Variants in CSMD1 observed in about 807,000 individuals in gnomAD.
CSMD1 encodes CUB and Sushi multiple domains 1.
Under a neutral mutation model 417.5 loss-of-function variants are expected in CSMD1, and 213 were observed. The ratio of observed to expected loss-of-function variants is 0.51; its 90% CI spans 0.46 to 0.57. The LOEUF (loss-of-function observed/expected upper bound fraction) is 0.57. Among genes scored for constraint, CSMD1 ranks in the 20% least tolerant of loss-of-function variants. The pLI, the probability that CSMD1 is intolerant of heterozygous loss-of-function variation, is 0.00. For synonymous variants in CSMD1, 2,862 were observed against 1,736.8 expected (o/e 1.65, Z -16.11); for missense variants, 6,923 against 4,529.7 (o/e 1.53, Z -15.17).
intron 3 of CSMD1, among the ~76,000 whole-genome samples, chr8:4,098,436 G>A (rs1167959617): frequency 6.6e-6 from 1 of 151,838 alleles, no homozygotes; most frequent in African/African-American, 2.4e-5. Flanking sequence ...CATAATATGT[G>A]CAACATGCAT....
chr8:3,011,381 T>C (rs369553163), intron 52 of CSMD1, among the ~76,000 whole-genome samples: 22 of 146,180 alleles, frequency 1.5e-4, no homozygotes, highest in African/African-American at 4.5e-4. Context: ...GATATAAGCA[T>C]TATCATAATC....
At chr8:3,943,418 T>C (rs888707909) in intron 5 of CSMD1, among the ~76,000 whole-genome samples, 18 of 74,768 alleles carry the variant, frequency 2.4e-4, no homozygotes, top group Non-Finnish European at 4.1e-4. Flanking sequence ...TTGTTTTTTT[T>C]TCATTAAAAA....
At chr8:4,967,772 C>T (rs1350029124) in intron 1 of CSMD1, among the ~76,000 whole-genome samples, 2 of 152,064 alleles carry the variant, frequency 1.3e-5, no homozygotes, top group African/African-American at 2.4e-5. Flanking sequence ...ATGTGACTTA[C>T]GTAGCTAGAG....
chr8:4,378,142 C>T (rs1450378499), intron 3 of CSMD1, among the ~76,000 whole-genome samples: 1 of 152,190 alleles, frequency 6.6e-6, no homozygotes, highest in Non-Finnish European at 1.5e-5. Flanking sequence ...GTACATGCTT[C>T]AATATTTCCA....
At chr8:3,241,171 G>C (rs188748393) in intron 26 of CSMD1, among the ~76,000 whole-genome samples, 356 of 151,826 alleles carry the variant, frequency 2.3e-3, no homozygotes, top group African/African-American at 8.3e-3. Context: ...AGATAATTTA[G>C]TTAAAGTGTC....
chr8:3,624,801 T>C (rs752688384), intron 7 of CSMD1, among the ~76,000 whole-genome samples: 49 of 152,308 alleles, frequency 3.2e-4, no homozygotes, highest in Middle Eastern at 3.4e-3. Flanking sequence ...GCTTTTTACT[T>C]CAGCATTTTG....
At chr8:3,595,633 A>C (rs77991753) in intron 8 of CSMD1, among the ~76,000 whole-genome samples, 1 of 152,298 alleles carries the variant, frequency 6.6e-6, no homozygotes, top group East Asian at 1.9e-4. Flanking sequence ...GCTTGGAGTG[A>C]TTGGCAATTT....
chr8:4,048,722 C>G (rs945791877), intron 3 of CSMD1, among the ~76,000 whole-genome samples: 2 of 152,174 alleles, frequency 1.3e-5, no homozygotes, highest in Admixed American at 6.5e-5. Flanking sequence ...TTTATTAATA[C>G]ATACATGTAT....
In CSMD1 at chr8:4,629,563, C is replaced by T. The variant is rs74654424; in HGVS notation, c.302+7779G>A. On this transcript the variant is annotated intron_variant, in intron 2 of 69. Coordinates refer to ENST00000635120, the MANE Select transcript of CSMD1 (RefSeq NM_033225.6). ...ACTTATTAGAAATATTTTAACTTGT[C>T]GTTTGCCTTTTGAATGTTAAGTTTT... 2.4e-3 allele frequency among the ~76,000 whole-genome samples: 360 copies of T among 152,232 alleles called. 3 individuals carry two copies. The highest frequency in any genetic ancestry group is 3.1e-3 in the African/African-American group (128 of 41,536).
intron 3 of CSMD1, among the ~76,000 whole-genome samples, chr8:4,181,887 C>T (rs1798396958): frequency 6.6e-6 from 1 of 151,978 alleles, no homozygotes; most frequent in Non-Finnish European, 1.5e-5. Flanking sequence ...AACATGATTT[C>T]ACAGTGATAA....
chr8:4,723,804 A>AAAAC (rs1809231527), intron 1 of CSMD1, among the ~76,000 whole-genome samples: 2 of 146,028 alleles, frequency 1.4e-5, no homozygotes, highest in African/African-American at 5.0e-5. Context: ...AAAAAAACAA[A>AAAAC]AAAAAAACAA....
chr8:4,570,891 A>G (rs754555213), intron 2 of CSMD1, among the ~76,000 whole-genome samples: 34 of 152,158 alleles, frequency 2.2e-4, no homozygotes, highest in Non-Finnish European at 3.2e-4. Flanking sequence ...GTACCCAGGA[A>G]TTTGTCCATT....
At chr8:4,157,489 T>A (rs929585255) in intron 3 of CSMD1, among the ~76,000 whole-genome samples, 12 of 152,130 alleles carry the variant, frequency 7.9e-5, no homozygotes, top group Non-Finnish European at 1.8e-4. Context: ...TCCTTCTGAC[T>A]AGCGGAGAAA....
chr8:3,904,544 T>C (rs965831961), intron 5 of CSMD1, among the ~76,000 whole-genome samples: 2 of 152,208 alleles, frequency 1.3e-5, no homozygotes, highest in Non-Finnish European at 2.9e-5. Context: ...ACCAAAGCTG[T>C]TGTATGTGAA....
At chr8:4,752,038 G>T (rs1221885576) in intron 1 of CSMD1, among the ~76,000 whole-genome samples, 1 of 151,998 alleles carries the variant, frequency 6.6e-6, no homozygotes, top group Non-Finnish European at 1.5e-5. Flanking sequence ...ATATGTATAT[G>T]CAAACTGTGT....
chr8:3,671,000 G>GCA lies in CSMD1; in HGVS notation c.1009+37413_1009+37414insTG, dbSNP rs1563255975. 7.9e-4 allele frequency among the ~76,000 whole-genome samples: 86 copies of GCA among 109,412 alleles called. 2 individuals are homozygous for GCA. The South Asian group carries it at 0.024, about 30-fold the overall frequency. 71.8% of individuals were successfully genotyped at this position (109,412 alleles called of 152,430 possible). On this transcript the variant is annotated intron_variant, in intron 7 of 69. Coordinates refer to ENST00000635120, the MANE Select transcript of CSMD1 (RefSeq NM_033225.6). ...ATATATATGTATATGGGATATATAT[G>GCA]TATGGGATATATATGTATATGGGAT...
intron 54 of CSMD1, among the ~76,000 whole-genome samples, chr8:2,994,154 A>AAAAAAAAAAAAG (rs1806660588): frequency 1.4e-5 from 2 of 144,830 alleles, no homozygotes; most frequent in Admixed American, 1.4e-4. Flanking sequence ...TCAAAAAAAA[A>AAAAAAAAAAAAG]AAAAAAAAAA....
rs375199460 is a variant in CSMD1 at position 3,623,908 on chromosome 8, C to T, written c.1010-7111G>A. On this transcript the variant is annotated intron_variant, in intron 7 of 69. Transcript: ENST00000635120. ...AGGAGAATCGCTTGAACCCGGGAGG[C>T]GGAGTTTGCAGTAAGCTGAGATTGC... Among the ~76,000 whole-genome samples, 13 of 151,924 alleles carry T rather than the reference C, an allele frequency of 8.6e-5. No individual in the cohort carries two copies. In the South Asian group the frequency reaches 2.1e-3, roughly 24 times the overall value.
At chr8:4,171,974 T>A (rs1211168081) in intron 3 of CSMD1, among the ~76,000 whole-genome samples, 2 of 152,176 alleles carry the variant, frequency 1.3e-5, no homozygotes, top group Non-Finnish European at 2.9e-5. Flanking sequence ...ATAATCAGCA[T>A]CCTTCATTTG....
Sources: allele counts gnomAD v4.1 joint callset (sites outside exome capture counted in the v4.1 genomes callset), GRCh38; gene constraint gnomAD v4.1.1; transcripts MANE v1.5; gene names NCBI Gene and HGNC (gene_info 2026-07-23, HGNC 2026-07-21).